PRKX: variants seen among roughly 807,000 people sequenced by gnomAD.
PRKX encodes cAMP-dependent protein kinase catalytic subunit PRKX.
In PRKX, 12 loss-of-function variants were observed where a neutral mutation model predicts 22.0. The observed-to-expected ratio is 0.54, with a 90% CI of 0.35 to 0.88. The LOEUF (loss-of-function observed/expected upper bound fraction) is 0.88, where lower values mean the gene tolerates loss of function less well. PRKX is among the 40% of genes least tolerant of loss of function. The probability of loss-of-function intolerance (pLI) is 0.01; values close to 1 mark genes in which losing one functional copy is unlikely to be tolerated. For missense variants in PRKX, 217 were observed against 308.0 expected (o/e 0.70, Z 2.21); for synonymous variants, 134 against 137.7 (o/e 0.97, Z 0.19).
At chrX:3,614,891 T>C (rs770915500) in intron 7 of PRKX, among the ~76,000 whole-genome samples, 2 of 110,257 alleles carry the variant, frequency 1.8e-5, no homozygotes, top group African/African-American at 6.6e-5. Context: ...CATAAATATG[T>C]ACCTGTGATA....
intron 4 of PRKX, chrX:3,641,472 G>A (rs1927077315): frequency 6.0e-6 from 1 of 166,712 alleles, no homozygotes; most frequent in Non-Finnish European, 1.1e-5. Flanking sequence ...GAAGTGATAA[G>A]GGGGGAAAAG....
At chrX:3,712,956 G>T in intron 1 of PRKX, 132 bp downstream of exon 1, 1 of 782,741 alleles carries the variant, frequency 1.3e-6, no homozygotes, top group South Asian at 3.4e-5. Flanking sequence ...AGCCCCGCAC[G>T]GGGACTCCGA....
At chrX:3,624,011 A>G (rs183345904) in intron 5 of PRKX, among the ~76,000 whole-genome samples, 20 of 112,071 alleles carry the variant, frequency 1.8e-4, no homozygotes, top group Admixed American at 7.6e-4. Flanking sequence ...TTTAAAAAGC[A>G]GAGAATCAAA....
chrX:3,678,157 T>C (rs1004335051), intron 1 of PRKX, among the ~76,000 whole-genome samples: 59 of 112,071 alleles, frequency 5.3e-4, no homozygotes, highest in African/African-American at 1.7e-3. Context: ...TATCCTGCCA[T>C]TGGACCTATG....
chrX:3,632,975 G>A (rs1156459546), intron 4 of PRKX, among the ~76,000 whole-genome samples: 1 of 111,879 alleles, frequency 8.9e-6, no homozygotes, highest in Non-Finnish European at 1.9e-5. Flanking sequence ...CCCAGCATTT[G>A]GGGAGGCCAA....
At chrX:3,643,768 C>T (rs1188711019) in intron 3 of PRKX, among the ~76,000 whole-genome samples, 1 of 111,613 alleles carries the variant, frequency 9.0e-6, no homozygotes, top group Non-Finnish European at 1.9e-5. Context: ...ACAAGTTCCA[C>T]AGAGTCTGGT....
intron 3 of PRKX, among the ~76,000 whole-genome samples, chrX:3,650,653 T>G (rs72622509): frequency 0.13 from 14,555 of 108,351 alleles, 1,025 homozygotes; most frequent in Admixed American, 0.35. Context: ...TCGCGGCAGG[T>G]GGATCACTTG....
chrX:3,708,582 T>C (rs1244191933), intron 1 of PRKX, among the ~76,000 whole-genome samples: 1 of 109,804 alleles, frequency 9.1e-6, no homozygotes, highest in Non-Finnish European at 1.9e-5. Context: ...AAAAAGTGTC[T>C]GGCCAGGCAC....
rs1208093996 is a variant in PRKX, at chrX:3,713,370, C to A, written c.-117G>T. 10 of 621,477 alleles carry A rather than the reference C, an allele frequency of 1.6e-5. No individual in the cohort carries two copies. The highest frequency in any genetic ancestry group is 2.1e-5 in the Non-Finnish European group (10 of 469,627). 51.2% of individuals were successfully genotyped at this position (621,477 alleles called of 1,213,427 possible). ...GCGGCATCAACAGAGGCTCCCCATGCGCGCTCTCGCCTCCTGGTGCGCGGT... is the reference window on the plus strand; with the variant it reads ...GCGGCATCAACAGAGGCTCCCCATGAGCGCTCTCGCCTCCTGGTGCGCGGT... On this transcript the variant is annotated 5_prime_UTR_variant, in exon 1 of 9. Coordinates refer to ENST00000262848, the MANE Select transcript of PRKX (RefSeq NM_005044.5).
intron 1 of PRKX, among the ~76,000 whole-genome samples, chrX:3,682,635 G>A (rs1384655059): frequency 2.7e-5 from 3 of 112,032 alleles, no homozygotes; most frequent in Non-Finnish European, 5.6e-5. Context: ...ACGCAGAGGG[G>A]AAGGCCACGT....
chrX:3,629,844 C>T (rs1169484472), intron 4 of PRKX, among the ~76,000 whole-genome samples: 4 of 111,173 alleles, frequency 3.6e-5, no homozygotes, highest in Admixed American at 1.9e-4. Context: ...TATAGGGATG[C>T]GGTCTCACTA....
At chrX:3,611,770 T>C (rs1926300010) in intron 8 of PRKX, among the ~76,000 whole-genome samples, 1 of 111,990 alleles carries the variant, frequency 8.9e-6, no homozygotes. Flanking sequence ...TTCTTCTTAT[T>C]TTTTAACCAA....
At chrX:3,644,716 C>T (rs1569048415) in intron 3 of PRKX, among the ~76,000 whole-genome samples, 1 of 112,061 alleles carries the variant, frequency 8.9e-6, no homozygotes. Flanking sequence ...ATGCACGACA[C>T]TTCTGTCATT....
intron 1 of PRKX, among the ~76,000 whole-genome samples, chrX:3,693,180 T>C (rs772391582): frequency 4.5e-5 from 5 of 110,940 alleles, no homozygotes; most frequent in Non-Finnish European, 9.4e-5. Flanking sequence ...GTCTAACAAC[T>C]TGGGTGACCT....
At chrX:3,698,071 T>C (rs1928481303) in intron 1 of PRKX, among the ~76,000 whole-genome samples, 1 of 112,220 alleles carries the variant, frequency 8.9e-6, no homozygotes, top group Admixed American at 9.5e-5. Flanking sequence ...AATGCGGCCA[T>C]TCTTTCCTGA....
At chrX:3,712,897 G>C (rs1189858022) in intron 1 of PRKX, among the ~76,000 whole-genome samples, 191 bp downstream of exon 1, 1 of 112,762 alleles carries the variant, frequency 8.9e-6, no homozygotes, top group African/African-American at 3.2e-5. Flanking sequence ...TGCCTGGGCT[G>C]GGGGGCTGGG....
chrX:3,658,749 C>T (rs112875250), intron 2 of PRKX, among the ~76,000 whole-genome samples: 2 of 110,824 alleles, frequency 1.8e-5, no homozygotes, highest in African/African-American at 3.3e-5. Context: ...GATCATGATG[C>T]TATCACAGAT....
chrX:3,656,935 C>T (rs1374541052), intron 2 of PRKX, among the ~76,000 whole-genome samples: 2 of 111,805 alleles, frequency 1.8e-5, no homozygotes, highest in African/African-American at 3.3e-5. Context: ...GGGCCCTTCT[C>T]GCTGTCCTCC....
At chrX:3,677,162 A>ATC (rs1927976050) in intron 1 of PRKX, among the ~76,000 whole-genome samples, 1 of 110,444 alleles carries the variant, frequency 9.1e-6, no homozygotes, top group Admixed American at 9.7e-5. Context: ...ACAAAGTTTT[A>ATC]GTTGAACAAG....
Sources: allele counts gnomAD v4.1 joint callset (sites outside exome capture counted in the v4.1 genomes callset), GRCh38; gene constraint gnomAD v4.1.1; transcripts MANE v1.5; gene names NCBI Gene and HGNC (gene_info 2026-07-23, HGNC 2026-07-21).